The following SNTB2 variants were observed in gnomAD, a reference collection of about 807,000 sequenced individuals.
SNTB2 encodes syntrophin beta 2, also known as beta-2-syntrophin.
Under a neutral mutation model 46.2 loss-of-function variants are expected in SNTB2, and 34 were observed. The ratio of observed to expected loss-of-function variants is 0.74; its 90% CI spans 0.56 to 0.98. The LOEUF (loss-of-function observed/expected upper bound fraction) is 0.98, where lower values mean the gene tolerates loss of function less well. Ranked by LOEUF, SNTB2 falls within the 50% of genes least tolerant of loss-of-function variation. The probability of loss-of-function intolerance (pLI) is 0.00; values close to 1 mark genes in which losing one functional copy is unlikely to be tolerated. For synonymous variants in SNTB2, 290 were observed against 312.6 expected, an observed-to-expected ratio of 0.93 and a Z score of 0.76; for missense variants, 603 against 731.4, an observed-to-expected ratio of 0.82 and a Z score of 2.02.
At chr16:69,202,023 C>T (rs1486803642) in intron 1 of SNTB2, among the ~76,000 whole-genome samples, 1 of 152,148 alleles carries the variant, frequency 6.6e-6, no homozygotes, top group Non-Finnish European at 1.5e-5. Context: ...ATGTTTAGCT[C>T]ATCTGCACCT....
chr16:69,216,055 G>A (rs1051096189), intron 1 of SNTB2, among the ~76,000 whole-genome samples: 5 of 152,258 alleles, frequency 3.3e-5, no homozygotes, highest in Non-Finnish European at 2.9e-5. Flanking sequence ...GGCTCAAGCC[G>A]TCCTCTGTCC....
chr16:69,288,493 C>T (rs1412026493), intron 5 of SNTB2, among the ~76,000 whole-genome samples: 1 of 151,894 alleles, frequency 6.6e-6, no homozygotes, highest in African/African-American at 2.4e-5. Flanking sequence ...TTTAATATTA[C>T]CTTGGTAACT....
intron 1 of SNTB2, among the ~76,000 whole-genome samples, chr16:69,242,174 C>T (rs1016297285): frequency 1.3e-5 from 2 of 152,092 alleles, no homozygotes. Context: ...GCTTGTAATC[C>T]CAACGCTTTG....
intron 3 of SNTB2, among the ~76,000 whole-genome samples, chr16:69,260,902 A>G (rs961250851): frequency 2.0e-5 from 3 of 152,244 alleles, no homozygotes; most frequent in African/African-American, 4.8e-5. Flanking sequence ...AAAGAGAAAC[A>G]AGAAAGTCTG....
chr16:69,202,709 G>A (rs1433501686), intron 1 of SNTB2, among the ~76,000 whole-genome samples: 1 of 152,136 alleles, frequency 6.6e-6, no homozygotes, highest in East Asian at 1.9e-4. Flanking sequence ...CCAGGTAGCT[G>A]AGACTACAGG....
chr16:69,251,314 A>C (rs1349618344), intron 2 of SNTB2, among the ~76,000 whole-genome samples: 1 of 150,570 alleles, frequency 6.6e-6, no homozygotes. Context: ...CACTTGAACA[A>C]TTTCCAGTGT....
rs949829751 is a variant in SNTB2 at position 69,308,326 on chromosome 16, G to A, written c.*7402G>A. 2 of 152,576 alleles carry A rather than the reference G, an allele frequency of 1.3e-5. No homozygotes were observed. Among genetic ancestry groups the A allele is most frequent in the Non-Finnish European group, 2.9e-5 (2 of 68,032 alleles). The allele number at this position is 152,576 out of a possible 1,614,324, so 9.5% of individuals were successfully genotyped here. ...CGATTTGTGAATTAATAGAATTGGG[G>A]GGAGAGGAAATGATGATGTCAATTA... On this transcript the variant is annotated 3_prime_UTR_variant, in exon 7 of 7. Coordinates refer to ENST00000336278, the MANE Select transcript of SNTB2 (RefSeq NM_006750.4).
At chr16:69,287,914 G>C (rs939012226) in intron 5 of SNTB2, among the ~76,000 whole-genome samples, 7 of 151,442 alleles carry the variant, frequency 4.6e-5, no homozygotes, top group African/African-American at 1.5e-4. Flanking sequence ...GGTAGTTCAC[G>C]CTTGTAATTC....
chr16:69,249,397 G>A (rs1296563705), intron 2 of SNTB2, among the ~76,000 whole-genome samples: 2 of 152,118 alleles, frequency 1.3e-5, no homozygotes, highest in African/African-American at 2.4e-5. Context: ...AAGGCAAAAC[G>A]TTATAAAGTT....
chr16:69,265,566 C>A (rs988771933), intron 3 of SNTB2, among the ~76,000 whole-genome samples: 17 of 151,804 alleles, frequency 1.1e-4, no homozygotes, highest in African/African-American at 3.4e-4. Flanking sequence ...TGGTGGCTCA[C>A]ACCTGTAATC....
intron 1 of SNTB2, among the ~76,000 whole-genome samples, chr16:69,190,806 C>G (rs753622344): frequency 6.6e-5 from 10 of 152,172 alleles, no homozygotes; most frequent in Non-Finnish European, 1.5e-4. Context: ...AGGCAAGTTA[C>G]TTAATCTTGC....
rs571980548 is a variant in SNTB2, at chr16:69,280,742, C to G, written c.1149-3306C>G. Reference sequence around the variant, plus strand: ...TTCTTTATATATTTTGGATACCAGTCCTGTATCAGATATGTGTTTTGCAAA... The same window carrying G: ...TTCTTTATATATTTTGGATACCAGTGCTGTATCAGATATGTGTTTTGCAAA... On this transcript the variant is annotated intron_variant, in intron 4 of 6. Transcript: ENST00000336278. Among the ~76,000 whole-genome samples the G allele has an allele frequency of 5.3e-5, 8 of 152,094 alleles. No homozygotes were observed. The South Asian group carries it at 1.5e-3, about 28-fold the overall frequency.
At chr16:69,267,741 A>T (rs1456822084) in intron 3 of SNTB2, among the ~76,000 whole-genome samples, 1 of 152,210 alleles carries the variant, frequency 6.6e-6, no homozygotes, top group East Asian at 1.9e-4. Context: ...CCAGTGGTAG[A>T]TGTTATAGCA....
intron 1 of SNTB2, among the ~76,000 whole-genome samples, chr16:69,224,632 G>T (rs184226449): frequency 0.01 from 1,569 of 152,292 alleles, 20 homozygotes; most frequent in Middle Eastern, 0.041. Flanking sequence ...GATTACTATA[G>T]TGTTTTAATG....
chr16:69,290,812 T>C (rs1597202813), intron 5 of SNTB2, among the ~76,000 whole-genome samples: 1 of 152,176 alleles, frequency 6.6e-6, no homozygotes, highest in African/African-American at 2.4e-5. Flanking sequence ...TTTCAAGATA[T>C]GGGAACTGGT....
intron 3 of SNTB2, 150 bp downstream of exon 3, chr16:69,260,410 C>A (rs1964824195): frequency 1.4e-6 from 1 of 703,818 alleles, no homozygotes. Flanking sequence ...TGTTTCACCT[C>A]CCTTTTTCTC....
intron 3 of SNTB2, among the ~76,000 whole-genome samples, chr16:69,265,513 T>C (rs983118787): frequency 1.3e-5 from 2 of 152,098 alleles, no homozygotes; most frequent in Non-Finnish European, 2.9e-5. Context: ...TCTTTAGTGC[T>C]ATCCACCTCT....
At chr16:69,295,374 C>A (rs1417463620) in intron 5 of SNTB2, among the ~76,000 whole-genome samples, 1 of 150,836 alleles carries the variant, frequency 6.6e-6, no homozygotes, top group South Asian at 2.1e-4. Context: ...CTCAGCCTCC[C>A]GAGTAGCTGG....
chr16:69,226,760 G>C lies in SNTB2; in HGVS notation c.581-18842G>C, dbSNP rs529456676. Among the ~76,000 whole-genome samples, 3 of 152,206 alleles carry C rather than the reference G, an allele frequency of 2.0e-5. No individual in the cohort carries two copies. The East Asian group carries it at 5.8e-4, about 30-fold the overall frequency. ...TGCCCAAGCTGGTCTTGAACTTGTG[G>C]GCTCAAGCAATCCTTCTGCCTTGGC... On this transcript the variant is annotated intron_variant, in intron 1 of 6. Transcript: ENST00000336278.
Sources: allele counts gnomAD v4.1 joint callset (sites outside exome capture counted in the v4.1 genomes callset), GRCh38; gene constraint gnomAD v4.1.1; transcripts MANE v1.5; gene names NCBI Gene and HGNC (gene_info 2026-07-23, HGNC 2026-07-21).